UBE2D2: variants seen among roughly 807,000 people sequenced by gnomAD.
The protein encoded by UBE2D2 is ubiquitin conjugating enzyme E2 D2, also known as ubiquitin-conjugating enzyme E2 D2.
In UBE2D2, 2 loss-of-function variants were observed where a neutral mutation model predicts 24.2. That is an observed-to-expected ratio of 0.08 (90% CI 0.03 to 0.26). The LOEUF (loss-of-function observed/expected upper bound fraction) is 0.26, where lower values mean the gene tolerates loss of function less well. Ranked by LOEUF, UBE2D2 falls within the 10% of genes least tolerant of loss-of-function variation. The probability of loss-of-function intolerance (pLI) is 1.00; values close to 1 mark genes in which losing one functional copy is unlikely to be tolerated. For synonymous variants in UBE2D2, 58 were observed against 56.5 expected (o/e 1.03, Z -0.12); for missense variants, 44 against 177.6 (o/e 0.25, Z 4.28).
chr5:139,594,369 A>C (rs189553184), intron 1 of UBE2D2, among the ~76,000 whole-genome samples: 69 of 152,076 alleles, frequency 4.5e-4, no homozygotes, highest in Middle Eastern at 3.4e-3. Context: ...TAGGCTTTCA[A>C]AGTTTCAGTG....
At chr5:139,616,205 ATC>A (rs1344478414) in intron 5 of UBE2D2, among the ~76,000 whole-genome samples, 1 of 150,642 alleles carries the variant, frequency 6.6e-6, no homozygotes, top group Non-Finnish European at 1.5e-5. Context: ...CACGCCTGTA[ATC>A]CCAGCACTTT....
At chr5:139,613,337 C>T (rs1175412999) in intron 2 of UBE2D2, among the ~76,000 whole-genome samples, 1 of 152,088 alleles carries the variant, frequency 6.6e-6, no homozygotes, top group African/African-American at 2.4e-5. Context: ...CAAATATAAC[C>T]CCAGTGACAA....
chr5:139,620,879 T>A (rs1474825635), intron 5 of UBE2D2, among the ~76,000 whole-genome samples: 1 of 152,240 alleles, frequency 6.6e-6, no homozygotes, highest in Non-Finnish European at 1.5e-5. Context: ...ATTTATTTTG[T>A]CAGAGGCTAC....
chr5:139,542,286 G>A (rs559715280), intron 1 of UBE2D2, among the ~76,000 whole-genome samples: 1 of 152,282 alleles, frequency 6.6e-6, no homozygotes, highest in African/African-American at 2.4e-5. Flanking sequence ...ACAGGCATGA[G>A]CCACCACACT....
At chr5:139,625,480 G>A (rs1233473912) in intron 6 of UBE2D2, among the ~76,000 whole-genome samples, 1 of 116,164 alleles carries the variant, frequency 8.6e-6, no homozygotes, top group Admixed American at 1.3e-4. Context: ...GTCTTGCTCT[G>A]TTGCCCGGAC....
chr5:139,605,781 C>T (rs1357258456), intron 2 of UBE2D2, among the ~76,000 whole-genome samples: 3 of 151,250 alleles, frequency 2.0e-5, no homozygotes, highest in Non-Finnish European at 4.4e-5. Context: ...CTCTGTTGCC[C>T]AGGCTAGAGT....
chr5:139,556,834 AC>A (rs1162589808), upstream of UBE2D2, among the ~76,000 whole-genome samples: 3 of 151,364 alleles, frequency 2.0e-5, no homozygotes, highest in East Asian at 3.9e-4. Context: ...ATAGTTCCAT[AC>A]TTTTTTTTTT....
intron 1 of UBE2D2, among the ~76,000 whole-genome samples, chr5:139,539,633 C>T (rs1313385995): frequency 1.3e-5 from 2 of 152,098 alleles, no homozygotes; most frequent in Admixed American, 6.6e-5. Flanking sequence ...CGTCTGTCAC[C>T]CAGGCGGGAG....
chr5:139,625,609 AAT>A (rs1754609502), intron 6 of UBE2D2, among the ~76,000 whole-genome samples: 1 of 147,844 alleles, frequency 6.8e-6, no homozygotes, highest in East Asian at 2.0e-4. Flanking sequence ...ACATCCAGCT[AAT>A]TTTTTTTTTT....
intron 5 of UBE2D2, among the ~76,000 whole-genome samples, chr5:139,622,728 A>G (rs1180031709): frequency 6.7e-6 from 1 of 148,728 alleles, no homozygotes; most frequent in South Asian, 2.1e-4. Context: ...GTCTCTACTA[A>G]AAATACAAAA....
intron 2 of UBE2D2, among the ~76,000 whole-genome samples, chr5:139,601,299 A>C (rs1389519052): frequency 6.6e-6 from 1 of 152,186 alleles, no homozygotes; most frequent in East Asian, 1.9e-4. Context: ...TGTAAAACTA[A>C]TTCACAAAAA....
intron 1 of UBE2D2, among the ~76,000 whole-genome samples, chr5:139,588,123 C>G (rs1171980292): frequency 1.3e-5 from 2 of 152,068 alleles, no homozygotes; most frequent in African/African-American, 4.8e-5. Flanking sequence ...GCCACCATGC[C>G]TGGCTAAATG....
chr5:139,531,988 G>GTT (rs897368316), intron 1 of UBE2D2, among the ~76,000 whole-genome samples: 3 of 148,470 alleles, frequency 2.0e-5, no homozygotes, highest in Admixed American at 6.8e-5. Context: ...TCCTGGTTGT[G>GTT]TTTTTTTTTT....
intron 1 of UBE2D2, among the ~76,000 whole-genome samples, chr5:139,538,095 G>C (rs1360201081): frequency 6.6e-6 from 1 of 152,068 alleles, no homozygotes; most frequent in East Asian, 1.9e-4. Flanking sequence ...TGCAATGGCA[G>C]GATCTTGGCT....
At chr5:139,537,352 T>C (rs1457080491) in intron 1 of UBE2D2, among the ~76,000 whole-genome samples, 1 of 152,204 alleles carries the variant, frequency 6.6e-6, no homozygotes, top group Non-Finnish European at 1.5e-5. Flanking sequence ...TTAAATATCA[T>C]TTTTAACAGC....
intron 2 of UBE2D2, among the ~76,000 whole-genome samples, chr5:139,604,669 G>C (rs1754158223): frequency 6.6e-6 from 1 of 152,042 alleles, no homozygotes; most frequent in South Asian, 2.1e-4. Context: ...AGGATCACTT[G>C]AGGCCAGGAG....
chr5:139,545,365 G>A (rs1017385861), intron 1 of UBE2D2, among the ~76,000 whole-genome samples: 1 of 150,960 alleles, frequency 6.6e-6, no homozygotes, highest in Admixed American at 6.6e-5. Flanking sequence ...ACTGCTCTCA[G>A]CTTTGTCTTC....
chr5:139,527,880 A>T (rs1235432652), intron 1 of UBE2D2, among the ~76,000 whole-genome samples: 1 of 152,258 alleles, frequency 6.6e-6, no homozygotes, highest in Admixed American at 6.5e-5. Flanking sequence ...ATTAAACAAA[A>T]GCAATTGTTA....
intron 2 of UBE2D2, among the ~76,000 whole-genome samples, chr5:139,605,866 G>A (rs1428455523): frequency 1.3e-5 from 2 of 151,228 alleles, no homozygotes; most frequent in Non-Finnish European, 2.9e-5. Context: ...AGCCTCCTGA[G>A]TAGCTGGGAC....
Sources: allele counts gnomAD v4.1 joint callset (sites outside exome capture counted in the v4.1 genomes callset), GRCh38; gene constraint gnomAD v4.1.1; transcripts MANE v1.5; gene names NCBI Gene and HGNC (gene_info 2026-07-23, HGNC 2026-07-21).